Variants in QKI observed in about 807,000 individuals in gnomAD.
The protein encoded by QKI is QKI, KH domain containing RNA binding.
A neutral mutation model predicts 39.0 loss-of-function variants in QKI; 10 were observed. That is an observed-to-expected ratio of 0.26 (90% CI 0.16 to 0.43). The LOEUF (loss-of-function observed/expected upper bound fraction) is 0.43. QKI is among the 20% of genes least tolerant of loss of function. The probability of loss-of-function intolerance (pLI) is 1.00; values close to 1 mark genes in which losing one functional copy is unlikely to be tolerated. For missense variants in QKI, 218 were observed against 428.0 expected (o/e 0.51, Z 4.33); for synonymous variants, 204 against 155.4 (o/e 1.31, Z -2.33).
chr6:163,555,790 A>G (rs1388938216), intron 4 of QKI, among the ~76,000 whole-genome samples: 1 of 152,192 alleles, frequency 6.6e-6, no homozygotes, highest in East Asian at 1.9e-4. Context: ...TGATTTGGAA[A>G]TACACATTTG....
At chr6:163,432,046 A>G (rs1255596088) in intron 1 of QKI, among the ~76,000 whole-genome samples, 2 of 152,286 alleles carry the variant, frequency 1.3e-5, no homozygotes, top group African/African-American at 4.8e-5. Context: ...AAGTAAGAGT[A>G]CCTTTGGGCC....
intron 1 of QKI, among the ~76,000 whole-genome samples, chr6:163,447,249 A>ATTTTTTTTTTTTTTTTTTT (rs4038332): frequency 8.3e-6 from 1 of 120,188 alleles, no homozygotes. Flanking sequence ...GGTGCACGTG[A>ATTTTTTTTTTTTTTTTTTT]TTTTTTTTTT....
intron 1 of QKI, among the ~76,000 whole-genome samples, chr6:163,453,186 T>C (rs1790700795): frequency 6.6e-6 from 1 of 151,982 alleles, no homozygotes; most frequent in Admixed American, 6.6e-5. Context: ...TGGTTACTTA[T>C]AATAGTAGAT....
chr6:163,465,932 T>C (rs576665307), intron 2 of QKI, among the ~76,000 whole-genome samples: 1 of 151,868 alleles, frequency 6.6e-6, no homozygotes, highest in South Asian at 2.1e-4. Flanking sequence ...GAGACCAGCC[T>C]GGCCAACATG....
intron 7 of QKI, 132 bp downstream of exon 7, chr6:163,566,927 G>A: frequency 6.9e-7 from 1 of 1,451,884 alleles, no homozygotes; most frequent in Non-Finnish European, 9.1e-7. Flanking sequence ...AAATTTGTTT[G>A]TGATCATTGA....
At chr6:163,482,570 A>G (rs1583067844) in intron 3 of QKI, among the ~76,000 whole-genome samples, 1 of 152,214 alleles carries the variant, frequency 6.6e-6, no homozygotes, top group South Asian at 2.1e-4. Context: ...TTTTTTTGCA[A>G]GTCCCTCGTC....
At chr6:163,521,873 T>C (rs1780184170) in intron 3 of QKI, among the ~76,000 whole-genome samples, 1 of 152,190 alleles carries the variant, frequency 6.6e-6, no homozygotes, top group Non-Finnish European at 1.5e-5. Context: ...TATTTTTTAC[T>C]CTGGCTTTGA....
intron 3 of QKI, among the ~76,000 whole-genome samples, chr6:163,519,722 TA>T (rs1780035532): frequency 6.6e-6 from 1 of 152,138 alleles, no homozygotes; most frequent in East Asian, 1.9e-4. Flanking sequence ...TGATTACTAT[TA>T]ACATTTAAAT....
At chr6:163,447,153 A>C (rs1790216400) in intron 1 of QKI, among the ~76,000 whole-genome samples, 1 of 151,840 alleles carries the variant, frequency 6.6e-6, no homozygotes, top group African/African-American at 2.4e-5. Flanking sequence ...AGCTGGTTAG[A>C]CTAGCTGTGA....
chr6:163,524,676 A>G lies in QKI; in HGVS notation c.403-10306A>G, dbSNP rs537307944. Among the ~76,000 whole-genome samples, 14 of 152,182 alleles carry G rather than the reference A, an allele frequency of 9.2e-5. No homozygotes were observed. In the East Asian group the frequency reaches 2.7e-3, roughly 29 times the overall value. ...GAGACGGGGTTTCTCCATGTTGGTC[A>G]GGCTGGTCTTGAACTCCCGACCTCA... On this transcript the variant is annotated intron_variant, in intron 3 of 7. Transcript: ENST00000361752.
At chr6:163,565,512 T>G in intron 6 of QKI, 1 of 988,562 alleles carries the variant, frequency 1.0e-6, no homozygotes, top group Non-Finnish European at 1.2e-6. Context: ...TAAAACTTGT[T>G]TCTCATTGTA....
intron 3 of QKI, among the ~76,000 whole-genome samples, chr6:163,517,839 A>G (rs983849028): frequency 6.6e-6 from 1 of 152,114 alleles, no homozygotes; most frequent in African/African-American, 2.4e-5. Flanking sequence ...ATTAAAGGAT[A>G]TTTTCATTGA....
At chr6:163,532,367 A>G (rs916763707) in intron 3 of QKI, among the ~76,000 whole-genome samples, 7 of 151,700 alleles carry the variant, frequency 4.6e-5, no homozygotes, top group African/African-American at 1.7e-4. Flanking sequence ...ATTGGGGGGG[A>G]GGTGGTCTCA....
At chr6:163,567,383 T>C (rs1485651380) in intron 7 of QKI, 6 of 914,432 alleles carry the variant, frequency 6.6e-6, no homozygotes, top group Non-Finnish European at 7.8e-6. Flanking sequence ...TTATATAAAT[T>C]AGAGCGTCAA....
intron 1 of QKI, among the ~76,000 whole-genome samples, chr6:163,437,129 G>A (rs1789362843): frequency 6.6e-6 from 1 of 152,208 alleles, no homozygotes; most frequent in South Asian, 2.1e-4. Context: ...CTTTGTGAGA[G>A]AGATGATGTA....
chr6:163,481,982 C>G (rs1276482729), intron 3 of QKI, among the ~76,000 whole-genome samples: 1 of 152,044 alleles, frequency 6.6e-6, no homozygotes, highest in Non-Finnish European at 1.5e-5. Flanking sequence ...AGTTGAAGAC[C>G]AACAAGGTCA....
rs913610442 is a variant in QKI, at chr6:163,575,456, T to A, written c.*4746T>A. 3 of 151,936 alleles carry A rather than the reference T, an allele frequency of 2.0e-5. No homozygotes were observed. The highest frequency in any genetic ancestry group is 2.9e-5 in the Non-Finnish European group (2 of 67,944). The allele number at this position is 151,936 out of a possible 1,614,324, so 9.4% of individuals were successfully genotyped here. A position where few individuals can be genotyped will look rare whatever the true frequency, so the allele number is the denominator to read the frequency against. The stretch of plus-strand genomic sequence containing the variant: ...TTCCAAGAATAGTAAAATTCTAGAG[T>A]CAGTTGATTGATTGAAACTATTTGA... On this transcript the variant is annotated 3_prime_UTR_variant, in exon 8 of 8. Coordinates refer to ENST00000361752, the MANE Select transcript of QKI (RefSeq NM_006775.3).
At chr6:163,560,078 A>G (rs1240350276) in intron 4 of QKI, among the ~76,000 whole-genome samples, 3 of 152,148 alleles carry the variant, frequency 2.0e-5, no homozygotes, top group Non-Finnish European at 4.4e-5. Flanking sequence ...GGATTTGGAA[A>G]TAAAGTTAAA....
At chr6:163,570,605 C>A in intron 7 of QKI, 89 bp from the exon 8 acceptor site, 1 of 1,575,034 alleles carries the variant, frequency 6.3e-7, no homozygotes, top group South Asian at 1.2e-5. Flanking sequence ...TTCATGTTGT[C>A]ATTAAGCCGT....
Sources: allele counts gnomAD v4.1 joint callset (sites outside exome capture counted in the v4.1 genomes callset), GRCh38; gene constraint gnomAD v4.1.1; transcripts MANE v1.5; gene names NCBI Gene and HGNC (gene_info 2026-07-23, HGNC 2026-07-21).